Variants in EPHB1 observed in about 807,000 individuals in gnomAD.
EPHB1 encodes EPH receptor B1, also known as ephrin type-B receptor 1.
EPHB1 carries 30 observed loss-of-function variants against 94.4 expected under a neutral mutation model. The ratio of observed to expected loss-of-function variants is 0.32; its 90% CI spans 0.24 to 0.43. The LOEUF (loss-of-function observed/expected upper bound fraction) is 0.43, where lower values mean the gene tolerates loss of function less well. Ranked by LOEUF, EPHB1 falls within the 20% of genes least tolerant of loss-of-function variation. EPHB1 has a pLI of 1.00. For missense variants in EPHB1, 1,055 were observed against 1,308.3 expected (o/e 0.81, Z 2.99); for synonymous variants, 522 against 489.1 (o/e 1.07, Z -0.89).
chr3:135,174,626 G>A (rs1941921463), intron 9 of EPHB1, among the ~76,000 whole-genome samples: 1 of 152,184 alleles, frequency 6.6e-6, no homozygotes, highest in Non-Finnish European at 1.5e-5. Flanking sequence ...AGTTTCCACA[G>A]TTCTTAGCAC....
chr3:135,155,251 A>T (rs1365316447), intron 6 of EPHB1, among the ~76,000 whole-genome samples: 3 of 152,186 alleles, frequency 2.0e-5, no homozygotes, highest in Admixed American at 2.0e-4. Context: ...GGGAAAGAGC[A>T]GGTTGCATAA....
intron 3 of EPHB1, among the ~76,000 whole-genome samples, chr3:134,987,157 AC>A (rs1934629891): frequency 6.6e-6 from 1 of 152,132 alleles, no homozygotes; most frequent in South Asian, 2.1e-4. Flanking sequence ...AACAACAACA[AC>A]AATAATAATA....
Position 134,922,895 on chromosome 3 carries a change from A to C in EPHB1, c.59-2921A>C, listed in dbSNP as rs1182476118. ...GCACCTTCCTGTACCCCGATTCCCA[A>C]CTCCGCCACAAGGATTCAGTTGCCC... On this transcript the variant is annotated intron_variant, in intron 1 of 15. Coordinates refer to ENST00000398015, the MANE Select transcript of EPHB1 (RefSeq NM_004441.5). 2.0e-5 allele frequency among the ~76,000 whole-genome samples: 3 copies of C among 151,822 alleles called. No individual in the cohort carries two copies. In the South Asian group the frequency reaches 6.2e-4, roughly 32 times the overall value.
intron 1 of EPHB1, among the ~76,000 whole-genome samples, chr3:134,840,745 T>C (rs1187674736): frequency 3.3e-5 from 5 of 152,200 alleles, no homozygotes; most frequent in African/African-American, 4.8e-5. Context: ...GGTGCCGTTT[T>C]ACAGAGCACA....
intron 2 of EPHB1, among the ~76,000 whole-genome samples, chr3:134,927,647 A>G (rs1052477177): frequency 2.0e-5 from 3 of 152,252 alleles, no homozygotes; most frequent in Non-Finnish European, 2.9e-5. Context: ...GTTTTTGTAC[A>G]CAACACCTGT....
At chr3:135,041,610 G>C (rs748483527) in intron 3 of EPHB1, among the ~76,000 whole-genome samples, 1 of 152,162 alleles carries the variant, frequency 6.6e-6, no homozygotes, top group Non-Finnish European at 1.5e-5. Context: ...AATAGGATAG[G>C]GTTGCTAGCT....
chr3:134,803,120 G>C (rs1341093762), intron 1 of EPHB1, among the ~76,000 whole-genome samples: 1 of 152,212 alleles, frequency 6.6e-6, no homozygotes, highest in Non-Finnish European at 1.5e-5. Context: ...CTCTGTAACA[G>C]AACTGGGCCA....
intron 1 of EPHB1, among the ~76,000 whole-genome samples, chr3:134,882,761 CCTTCCTTTCTTT>C (rs2037767726): frequency 6.4e-5 from 2 of 31,262 alleles, no homozygotes; most frequent in African/African-American, 1.4e-4. Context: ...TTTCTTCCTT[CCTTCCTTTCTTT>C]CTTTCTTTCT....
intron 1 of EPHB1, among the ~76,000 whole-genome samples, chr3:134,838,157 C>G (rs1445767191): frequency 6.6e-6 from 1 of 152,296 alleles, no homozygotes; most frequent in Non-Finnish European, 1.5e-5. Context: ...AGAAATGTAA[C>G]AAGCCTTCTG....
At chr3:134,820,275 C>T (rs1012831819) in intron 1 of EPHB1, among the ~76,000 whole-genome samples, 1 of 152,206 alleles carries the variant, frequency 6.6e-6, no homozygotes, top group Non-Finnish European at 1.5e-5. Flanking sequence ...CTGGGAAAAG[C>T]AGGTTTAGGG....
chr3:134,860,149 G>GGACACACACACACACA (rs1553858658), intron 1 of EPHB1, among the ~76,000 whole-genome samples: 9 of 65,418 alleles, frequency 1.4e-4, no homozygotes, highest in South Asian at 1.6e-3. Context: ...GAGAAGGAAG[G>GGACACACACACACACA]GACACACACA....
rs1160326594 is a variant in EPHB1 at position 135,213,352 on chromosome 3, A to T, written c.2346+11663A>T. On this transcript the variant is annotated intron_variant, in intron 12 of 15. Transcript: ENST00000398015. Reference sequence around the variant, plus strand: ...TTTAAGAGAAACAGACAAATGAGCTAGGCTGGACTCTGAACACTTGCATGG... The same window carrying T: ...TTTAAGAGAAACAGACAAATGAGCTTGGCTGGACTCTGAACACTTGCATGG... Among the ~76,000 whole-genome samples, 14 of 152,350 alleles carry T rather than the reference A, an allele frequency of 9.2e-5. No individual in the cohort carries two copies. The South Asian group carries it at 2.9e-3, about 32-fold the overall frequency.
At chr3:134,882,770 C>CTTTCTTTCTTTCTTTCTTTCTT (rs2037772605) in intron 1 of EPHB1, among the ~76,000 whole-genome samples, 1 of 42,474 alleles carries the variant, frequency 2.4e-5, no homozygotes, top group African/African-American at 6.8e-5. Context: ...TCCTTCCTTT[C>CTTTCTTTCTTTCTTTCTTTCTT]TTTCTTTCTT....
chr3:135,244,609 T>C (rs910318870), intron 13 of EPHB1, among the ~76,000 whole-genome samples: 1 of 152,192 alleles, frequency 6.6e-6, no homozygotes, highest in African/African-American at 2.4e-5. Context: ...AGAATGAAGG[T>C]GCTTTTCCAC....
intron 2 of EPHB1, among the ~76,000 whole-genome samples, chr3:134,926,773 A>G (rs2038799700): frequency 6.6e-6 from 1 of 152,216 alleles, no homozygotes; most frequent in Non-Finnish European, 1.5e-5. Context: ...GGAAATGGTC[A>G]CACTTGTTGA....
intron 2 of EPHB1, among the ~76,000 whole-genome samples, chr3:134,950,458 G>A (rs1235942965): frequency 6.6e-6 from 1 of 152,196 alleles, no homozygotes; most frequent in Non-Finnish European, 1.5e-5. Flanking sequence ...CAACTGAGCT[G>A]AGTAATTTAT....
At chr3:135,113,456 T>G (rs1315149264) in intron 4 of EPHB1, among the ~76,000 whole-genome samples, 3 of 152,216 alleles carry the variant, frequency 2.0e-5, no homozygotes, top group Admixed American at 1.3e-4. Flanking sequence ...AGTCACAGAT[T>G]GTTGACACTC....
intron 3 of EPHB1, among the ~76,000 whole-genome samples, chr3:134,963,112 C>G (rs1267977035): frequency 6.7e-6 from 1 of 150,290 alleles, no homozygotes; most frequent in Non-Finnish European, 1.5e-5. Flanking sequence ...TTCCCCTCCT[C>G]TCCCTTCTTA....
chr3:135,110,782 G>A (rs1457326422), intron 4 of EPHB1, among the ~76,000 whole-genome samples: 1 of 152,196 alleles, frequency 6.6e-6, no homozygotes, highest in South Asian at 2.1e-4. Context: ...TGCATAGTCT[G>A]GTTTCTCTCC....
Sources: allele counts gnomAD v4.1 joint callset (sites outside exome capture counted in the v4.1 genomes callset), GRCh38; gene constraint gnomAD v4.1.1; transcripts MANE v1.5; gene names NCBI Gene and HGNC (gene_info 2026-07-23, HGNC 2026-07-21).